The following RICTOR variants were observed in gnomAD, a reference collection of about 807,000 sequenced individuals.
RICTOR encodes the protein RPTOR independent companion of MTOR complex 2.
Under a neutral mutation model 214.9 loss-of-function variants are expected in RICTOR, and 49 were observed. That is an observed-to-expected ratio of 0.23 (90% CI 0.18 to 0.29). The LOEUF (loss-of-function observed/expected upper bound fraction) is 0.29. Among genes scored for constraint, RICTOR ranks in the 10% least tolerant of loss-of-function variants. The pLI is 1.00. For missense variants in RICTOR, 1,625 were observed against 2,047.0 expected, an observed-to-expected ratio of 0.79 and a Z score of 3.98; for synonymous variants, 717 against 711.3, an observed-to-expected ratio of 1.01 and a Z score of -0.13.
chr5:39,028,644 T>G (rs1756042319), intron 2 of RICTOR, among the ~76,000 whole-genome samples: 1 of 152,200 alleles, frequency 6.6e-6, no homozygotes, highest in Non-Finnish European at 1.5e-5. Flanking sequence ...GCAGCCTTAT[T>G]CATAACAGCC....
chr5:39,064,653 G>A (rs1758776872), intron 2 of RICTOR, among the ~76,000 whole-genome samples: 1 of 152,154 alleles, frequency 6.6e-6, no homozygotes, highest in South Asian at 2.1e-4. Flanking sequence ...GGGAGCGGGA[G>A]GAGGCAGCAA....
In RICTOR at chr5:38,942,191, A is replaced by G. The variant is rs1442891435; in HGVS notation, c.*113T>C. On this transcript the variant is annotated 3_prime_UTR_variant, in exon 38 of 38. Coordinates refer to ENST00000357387, the MANE Select transcript of RICTOR (RefSeq NM_152756.5). ...TGTACCAGTAACTGCGGAACAGTGT[A>G]CAGAAGATACTCCTGTCTTTGCTGC... The G allele has an allele frequency of 2.2e-5, 13 of 592,826 alleles. No homozygotes were observed. Among genetic ancestry groups the G allele is most frequent in the Non-Finnish European group, 4.0e-5 (13 of 327,560 alleles). The allele number at this position is 592,826 out of a possible 1,614,324, so 36.7% of individuals were successfully genotyped here.
chr5:38,937,961 T>C lies in RICTOR; in HGVS notation c.*4343A>G, dbSNP rs1747149351. 5.3e-6 allele frequency: 1 copy of C among 186,958 alleles called. No homozygotes were observed. The highest frequency in any genetic ancestry group is 1.1e-5 in the Non-Finnish European group (1 of 88,252). 11.6% of individuals were successfully genotyped at this position (186,958 alleles called of 1,614,324 possible). On this transcript the variant is annotated 3_prime_UTR_variant, in exon 38 of 38. Transcript: ENST00000357387. This position sits in a 1 kb window ranked among gnomAD's most constrained non-coding sequence, Gnocchi z 4.0. The stretch of plus-strand genomic sequence containing the variant: ...ACATTTTATTAACAATGTATCCCTT[T>C]GATAAGATTATGCTTCAGGAGGCTT...
At chr5:38,986,638 T>C (rs1752193947) in intron 7 of RICTOR, among the ~76,000 whole-genome samples, 1 of 152,220 alleles carries the variant, frequency 6.6e-6, no homozygotes, top group Non-Finnish European at 1.5e-5. Flanking sequence ...GCCTCAAAAA[T>C]GTTATATATC....
At chr5:39,070,572 T>C (rs1045210298) in intron 2 of RICTOR, among the ~76,000 whole-genome samples, 1 of 152,234 alleles carries the variant, frequency 6.6e-6, no homozygotes, top group African/African-American at 2.4e-5. Flanking sequence ...GTCAGTTTTT[T>C]AGTTCTTAGT....
chr5:38,962,457 G>T, intron 18 of RICTOR, 28 bp downstream of exon 18: 1 of 1,253,792 alleles, frequency 8.0e-7, no homozygotes, highest in Non-Finnish European at 1.1e-6. Flanking sequence ...TTAAAGACAA[G>T]CCATTACCAT....
At chr5:38,969,217 C>T (rs1352500665) in intron 11 of RICTOR, among the ~76,000 whole-genome samples, 1 of 151,988 alleles carries the variant, frequency 6.6e-6, no homozygotes, top group Middle Eastern at 3.4e-3. Context: ...GGTGATCTGC[C>T]CGCCTTGGCC....
At chr5:39,071,328 T>A (rs1451657074) in intron 2 of RICTOR, among the ~76,000 whole-genome samples, 4 of 152,232 alleles carry the variant, frequency 2.6e-5, no homozygotes, top group Non-Finnish European at 5.9e-5. Context: ...CTATACCCAA[T>A]TAGTATAACA....
intron 10 of RICTOR, among the ~76,000 whole-genome samples, chr5:38,972,194 T>G (rs1393847753): frequency 1.3e-5 from 2 of 152,244 alleles, no homozygotes; most frequent in African/African-American, 2.4e-5. Flanking sequence ...CTTCAGTATC[T>G]GTTTAATACC....
chr5:38,980,181 T>C (rs1214422675), intron 8 of RICTOR, among the ~76,000 whole-genome samples: 1 of 152,166 alleles, frequency 6.6e-6, no homozygotes, highest in African/African-American at 2.4e-5. Context: ...TTAATCGGGG[T>C]TGTTTTAATG....
intron 2 of RICTOR, among the ~76,000 whole-genome samples, chr5:39,044,859 A>G (rs1757386842): frequency 6.6e-6 from 1 of 152,218 alleles, no homozygotes; most frequent in Admixed American, 6.5e-5. Flanking sequence ...GCAGTGCTAA[A>G]AATCATGTTG....
chr5:38,998,342 T>C (rs1263573586), intron 5 of RICTOR, among the ~76,000 whole-genome samples: 1 of 152,186 alleles, frequency 6.6e-6, no homozygotes, highest in South Asian at 2.1e-4. Flanking sequence ...TATGCCACCA[T>C]GCCTGGCTAA....
At chr5:39,071,756 TA>T (rs1350772047) in intron 2 of RICTOR, among the ~76,000 whole-genome samples, 2 of 152,244 alleles carry the variant, frequency 1.3e-5, no homozygotes, top group South Asian at 2.1e-4. Flanking sequence ...CTCTATTTTA[TA>T]ATGAGCTTTA....
rs544586332 is a variant in RICTOR at position 38,959,598 on chromosome 5, G to A, written c.2051+181C>T. ...TTTTTAAAATTCCTAATATAAACAAGCTTTTTGGAAAGAAAGCATTTAATA... is the reference window on the plus strand; with the variant it reads ...TTTTTAAAATTCCTAATATAAACAAACTTTTTGGAAAGAAAGCATTTAATA... On this transcript the variant is annotated intron_variant, in intron 21 of 37. Transcript: ENST00000357387. 2.6e-5 allele frequency among the ~76,000 whole-genome samples: 4 copies of A among 152,040 alleles called. No homozygotes were observed. The East Asian group carries it at 7.7e-4, about 29-fold the overall frequency.
rs1035520310 is a variant in RICTOR, at chr5:38,986,527, C to T, written c.583+4422G>A. Among the ~76,000 whole-genome samples, 8 of 152,056 alleles carry T rather than the reference C, an allele frequency of 5.3e-5. 1 individual carries two copies. In the South Asian group the frequency reaches 1.2e-3, roughly 24 times the overall value. ...TTTAAAATTTATAGAATTTTAATGT[C>T]GCATTGAAATTATTTGTTAAATAAC... On this transcript the variant is annotated intron_variant, in intron 7 of 37. Transcript: ENST00000357387.
intron 8 of RICTOR, among the ~76,000 whole-genome samples, chr5:38,980,663 T>C (rs919146760): frequency 6.6e-6 from 1 of 152,002 alleles, no homozygotes; most frequent in Non-Finnish European, 1.5e-5. Flanking sequence ...CTGAGCAACA[T>C]GGCAAAGCCC....
chr5:39,026,267 C>A (rs1192648211), intron 2 of RICTOR, among the ~76,000 whole-genome samples: 1 of 152,070 alleles, frequency 6.6e-6, no homozygotes, highest in Non-Finnish European at 1.5e-5. Flanking sequence ...TGCTTGAGCC[C>A]AGGAGGTTAA....
rs1358588029 is a variant in RICTOR, at chr5:39,074,155, C to T, written c.53G>A (p.Arg18Gln). ...GACGTTCTCCTCGCCGCTGTCATTC[C>T]GCCCTGCGCGAAACAGACACACAGC... ...RSLKNLRVRG[R>Q]NDSGEENVPL... Residue 18 changes from arginine (R) to glutamine (Q), a missense_variant, in exon 2 of 38, where the codon CGG (arginine) becomes CAG (glutamine). Physicochemically the swap from Arg to Gln is conservative, Grantham distance 43. Around this residue, in one of 5 missense-constraint regions of RICTOR, gnomAD observed 71 missense variants for 57.9 expected, o/e 1.23. Coordinates refer to ENST00000357387, the MANE Select transcript of RICTOR (RefSeq NM_152756.5). 2.5e-6 allele frequency: 4 copies of T among 1,587,736 alleles called. No homozygotes were observed. Among genetic ancestry groups the T allele is most frequent in the African/African-American group, 2.8e-5 (2 of 71,872 alleles).
intron 4 of RICTOR, among the ~76,000 whole-genome samples, chr5:39,003,261 G>T (rs1225223161): frequency 6.6e-6 from 1 of 152,032 alleles, no homozygotes; most frequent in Non-Finnish European, 1.5e-5. Flanking sequence ...TTGTTCCTGG[G>T]AATAATATGA....
Sources: allele counts gnomAD v4.1 joint callset (sites outside exome capture counted in the v4.1 genomes callset), GRCh38; gene constraint gnomAD v4.1.1; regional missense constraint gnomAD v4.1.1; non-coding constraint Gnocchi (gnomAD v3.1); transcripts MANE v1.5; gene names NCBI Gene and HGNC (gene_info 2026-07-23, HGNC 2026-07-21).